The following UTRN variants were observed in gnomAD, a reference collection of about 807,000 sequenced individuals.
UTRN encodes utrophin, also known as dystrophin-related protein 1.
A neutral mutation model predicts 463.9 loss-of-function variants in UTRN; 283 were observed. The ratio of observed to expected loss-of-function variants is 0.61; its 90% confidence interval spans 0.55 to 0.67. The LOEUF (loss-of-function observed/expected upper bound fraction) is 0.67, where lower values mean the gene tolerates loss of function less well. UTRN is among the 30% of genes least tolerant of loss of function. The pLI, the probability that UTRN is intolerant of heterozygous loss-of-function variation, is 0.00. For synonymous variants in UTRN, 1,442 were observed against 1,431.5 expected (o/e 1.01, Z -0.17); for missense variants, 3,922 against 4,084.3 (o/e 0.96, Z 1.08).
intron 2 of UTRN, among the ~76,000 whole-genome samples, chr6:144,384,332 C>T (rs765443132): frequency 6.6e-5 from 10 of 152,188 alleles, no homozygotes; most frequent in South Asian, 2.1e-4. Context: ...AGATCAGCAG[C>T]GGCATTCGAT....
intron 51 of UTRN, among the ~76,000 whole-genome samples, chr6:144,669,190 GA>G (rs146010567): frequency 0.02 from 3,033 of 152,022 alleles, 106 homozygotes; most frequent in African/African-American, 0.069. Flanking sequence ...GGAAAAGTAG[GA>G]AAAAAATTGG....
intron 2 of UTRN, among the ~76,000 whole-genome samples, chr6:144,380,837 C>G (rs1194058792): frequency 6.6e-6 from 1 of 152,142 alleles, no homozygotes; most frequent in Non-Finnish European, 1.5e-5. Context: ...TAAAGTACAA[C>G]ATTTGGCTCT....
chr6:144,783,786 TAAC>T (rs1454629678), intron 61 of UTRN, among the ~76,000 whole-genome samples: 1 of 152,200 alleles, frequency 6.6e-6, no homozygotes, highest in African/African-American at 2.4e-5. Flanking sequence ...ATAAATATCA[TAAC>T]AAAGTCTTTC....
chr6:144,754,867 A>G (rs1791814658), intron 57 of UTRN, 69 bp downstream of exon 57: 1 of 1,457,518 alleles, frequency 6.9e-7, no homozygotes, highest in African/African-American at 1.4e-5. Flanking sequence ...CTTTAATTGA[A>G]GAAGCCGTAT....
rs566907409 is a variant in UTRN at position 144,701,853 on chromosome 6, AT to A, written c.7809+1618del. Among the ~76,000 whole-genome samples, 51 of 152,000 alleles carry A rather than the reference AT, an allele frequency of 3.4e-4. 1 individual carries two copies. The South Asian group carries it at 9.7e-3, about 29-fold the overall frequency. ...ATTATCAAAATTACCATTTGGGTGT[AT>A]TTTTTTTCTTTCTACTCGAAGCAGG... On this transcript the variant is annotated intron_variant, in intron 53 of 74. Coordinates refer to ENST00000367545, the MANE Select transcript of UTRN (RefSeq NM_007124.3).
chr6:144,488,563 A>G (rs1792711678), intron 29 of UTRN, 110 bp from the exon 30 acceptor site: 1 of 1,017,162 alleles, frequency 9.8e-7, no homozygotes, highest in Admixed American at 3.0e-5. Context: ...AAAGAAAGCT[A>G]AAGTCTTGGA....
At chr6:144,708,733 TG>T (rs1418025879) in intron 53 of UTRN, among the ~76,000 whole-genome samples, 1 of 152,164 alleles carries the variant, frequency 6.6e-6, no homozygotes, top group Non-Finnish European at 1.5e-5. Flanking sequence ...TCTCCCTTGG[TG>T]TTTTAGTCTG....
intron 51 of UTRN, among the ~76,000 whole-genome samples, chr6:144,600,199 A>G (rs1393888173): frequency 6.6e-6 from 1 of 152,212 alleles, no homozygotes; most frequent in Non-Finnish European, 1.5e-5. Context: ...ACCAGTTAAT[A>G]TCCTTACATT....
At chr6:144,350,709 T>G (rs1233773185) in intron 2 of UTRN, among the ~76,000 whole-genome samples, 1 of 152,368 alleles carries the variant, frequency 6.6e-6, no homozygotes, top group South Asian at 2.1e-4. Flanking sequence ...GCTCATTTTC[T>G]TTTGTTGCTT....
intron 47 of UTRN, among the ~76,000 whole-genome samples, chr6:144,550,069 TG>T (rs1427496559): frequency 6.6e-6 from 1 of 152,234 alleles, no homozygotes; most frequent in East Asian, 1.9e-4. Flanking sequence ...ACTAAGATGA[TG>T]CTGTTGCAAT....
At position 144,465,914 on chromosome 6, in the gene UTRN, T is replaced by C. The variant is rs567906112; in HGVS notation, c.3066+3048T>C. On this transcript the variant is annotated intron_variant, in intron 23 of 74. Coordinates refer to ENST00000367545, the MANE Select transcript of UTRN (RefSeq NM_007124.3). ...ATAGTTAACTCGTTTATTTTTAAAATGCATTTTTCATTACATGAGTAGTAC... is the reference window on the plus strand; with the variant it reads ...ATAGTTAACTCGTTTATTTTTAAAACGCATTTTTCATTACATGAGTAGTAC... Among the ~76,000 whole-genome samples the C allele has an allele frequency of 2.0e-5, 3 of 152,354 alleles. No homozygotes were observed. In the South Asian group the frequency reaches 6.2e-4, roughly 32 times the overall value.
At position 144,803,142 on chromosome 6, in the gene UTRN, A is replaced by T; in HGVS notation, c.9352A>T (p.Ile3118Leu). 6.4e-7 allele frequency: 1 copy of T among 1,571,034 alleles called. No individual in the cohort carries two copies. The highest frequency in any genetic ancestry group is 1.9e-5 in the Admixed American group (1 of 53,788). ...KLHYPMVEYC[I>L]PTTSGEDVRD... ...ACATTACCCAATGGTGGAATATTGT[A>T]TACCTGTGAGTACTAACCCACTGTT... is the stretch of plus-strand genomic sequence containing the variant. Residue 3118 changes from isoleucine to leucine, a missense_variant, in exon 65 of 75, where the codon ATA (isoleucine) becomes TTA (leucine). By Grantham distance (5) the Ile-to-Leu change is conservative. This residue lies in a region of UTRN where 1,309 missense variants were observed against 1,452.6 expected (regional missense o/e 0.90). Transcript: ENST00000367545.
chr6:144,286,758 A>G lies in UTRN; in HGVS notation c.-93+937A>G, dbSNP rs964815460. 1.3e-5 allele frequency among the ~76,000 whole-genome samples: 2 copies of G among 151,996 alleles called. No individual in the cohort carries two copies. The highest frequency in any genetic ancestry group is 4.8e-5 in the African/African-American group (2 of 41,382). ...GTGCGTTTTTCGAGGAGGAGGGAGA[A>G]AACGTTGCCCGACCTCCGAGAGAGC... On this transcript the variant is annotated intron_variant, in intron 1 of 74. Transcript: ENST00000367545. The surrounding 1 kb of genome is among the most constrained non-coding windows in gnomAD (Gnocchi z 4.4).
At chr6:144,739,477 G>A (rs911839671) in intron 54 of UTRN, among the ~76,000 whole-genome samples, 5 of 152,042 alleles carry the variant, frequency 3.3e-5, no homozygotes, top group African/African-American at 1.2e-4. Flanking sequence ...GAAGTAACTG[G>A]GCTAGTAAAA....
chr6:144,623,321 T>G (rs1775618546), intron 51 of UTRN, among the ~76,000 whole-genome samples: 1 of 152,252 alleles, frequency 6.6e-6, no homozygotes, highest in South Asian at 2.1e-4. Context: ...TTCAATCATT[T>G]AAGGAACTTA....
intron 48 of UTRN, among the ~76,000 whole-genome samples, chr6:144,552,915 T>G (rs1251542301): frequency 6.6e-6 from 1 of 152,220 alleles, no homozygotes; most frequent in Non-Finnish European, 1.5e-5. Context: ...CTCTCTTCCT[T>G]AAGTTTAAAA....
intron 51 of UTRN, among the ~76,000 whole-genome samples, chr6:144,586,230 T>C (rs1476875526): frequency 1.3e-5 from 2 of 152,090 alleles, no homozygotes; most frequent in Admixed American, 6.6e-5. Context: ...AAAAAAGGCA[T>C]GTCACAGCTC....
intron 12 of UTRN, 48 bp downstream of exon 12, chr6:144,438,943 C>T (rs1407301511): frequency 1.3e-6 from 2 of 1,582,868 alleles, no homozygotes; most frequent in East Asian, 2.2e-5. Context: ...TATGAAAGAG[C>T]AGCACTTAGC....
chr6:144,832,211 A>C (rs1465422732), intron 69 of UTRN, among the ~76,000 whole-genome samples: 1 of 152,238 alleles, frequency 6.6e-6, no homozygotes, highest in South Asian at 2.1e-4. Flanking sequence ...TAAGAACTAG[A>C]ATGTATCTAT....
Sources: allele counts gnomAD v4.1 joint callset (sites outside exome capture counted in the v4.1 genomes callset), GRCh38; gene constraint gnomAD v4.1.1; regional missense constraint gnomAD v4.1.1; non-coding constraint Gnocchi (gnomAD v3.1); transcripts MANE v1.5; gene names NCBI Gene and HGNC (gene_info 2026-07-23, HGNC 2026-07-21).